Variants in LNX1 observed in about 807,000 individuals in gnomAD.
The protein encoded by LNX1 is ligand of numb-protein X 1, also known as E3 ubiquitin-protein ligase LNX.
A neutral mutation model predicts 68.4 loss-of-function variants in LNX1; 54 were observed. The observed-to-expected ratio is 0.79, with a 90% CI of 0.63 to 0.99. The LOEUF is 0.99. Among genes scored for constraint, LNX1 ranks in the 50% least tolerant of loss-of-function variants. The pLI is 0.00. For synonymous variants in LNX1, 336 were observed against 350.0 expected (o/e 0.96, Z 0.45); for missense variants, 906 against 926.4 (o/e 0.98, Z 0.29).
intron 6 of LNX1, among the ~76,000 whole-genome samples, chr4:53,495,771 T>C (rs1725007588): frequency 6.6e-6 from 1 of 152,182 alleles, no homozygotes; most frequent in South Asian, 2.1e-4. Context: ...CTTGAACTCC[T>C]GACCTCATGT....
chr4:53,585,394 T>C (rs1254161640), intron 1 of LNX1, among the ~76,000 whole-genome samples: 4 of 152,134 alleles, frequency 2.6e-5, no homozygotes, highest in African/African-American at 7.2e-5. Flanking sequence ...CCATAAGTAG[T>C]TGGAAGAGCT....
chr4:53,478,812 C>G (rs567800014), intron 7 of LNX1, 70 bp from the exon 8 acceptor site: 4 of 1,464,196 alleles, frequency 2.7e-6, no homozygotes, highest in East Asian at 4.6e-5. Context: ...GTAGAAAATG[C>G]AAAGTGGGTT....
chr4:53,462,906 T>TA (rs984392166), intron 9 of LNX1, among the ~76,000 whole-genome samples: 3 of 152,160 alleles, frequency 2.0e-5, no homozygotes, highest in Non-Finnish European at 2.9e-5. Context: ...GTGTGTCACA[T>TA]AACACACTTT....
rs1335264758 is a variant in LNX1, at chr4:53,558,347, G to A, written c.380+15276C>T. On this transcript the variant is annotated intron_variant, in intron 2 of 10. Transcript: ENST00000263925. ...ACAGGCTGGGAGTTAAAATGTGTTG[G>A]AAGAGGACATGAGCATGACACATTC... 8.6e-6 allele frequency: 8 copies of A among 934,946 alleles called. No homozygotes were observed. In the African/African-American group the frequency reaches 1.4e-4, roughly 16 times the overall value. 57.9% of individuals were successfully genotyped at this position (934,946 alleles called of 1,614,324 possible).
At chr4:53,526,956 G>A (rs112887245) in intron 2 of LNX1, among the ~76,000 whole-genome samples, 2 of 146,354 alleles carry the variant, frequency 1.4e-5, no homozygotes, top group African/African-American at 5.0e-5. Flanking sequence ...TTATGCTAAA[G>A]CAATAGAAAT....
At position 53,460,074 on chromosome 4, in the gene LNX1, A is replaced by C. The variant is rs1426161028; in HGVS notation, c.*833T>G. 5.0e-6 allele frequency: 1 copy of C among 199,020 alleles called. No homozygotes were observed. Among genetic ancestry groups the C allele is most frequent in the African/African-American group, 2.3e-5 (1 of 43,416 alleles). The allele number at this position is 199,020 out of a possible 1,614,324, so 12.3% of individuals were successfully genotyped here. A position where few individuals can be genotyped will look rare whatever the true frequency, so the allele number is the denominator to read the frequency against. ...TGAAATAAATTAATTAATTACCCAT[A>C]GTGTAGTTTCTAGGAGGCATGTGTA... On this transcript the variant is annotated 3_prime_UTR_variant, in exon 11 of 11. Coordinates refer to ENST00000263925, the MANE Select transcript of LNX1 (RefSeq NM_001126328.3).
At chr4:53,648,186 T>A (rs2668549) in intron 1 of LNX1, among the ~76,000 whole-genome samples, 41,555 of 152,196 alleles carry the variant, frequency 0.27, 6,055 homozygotes, top group African/African-American at 0.32. Flanking sequence ...CATACCATGT[T>A]ACACAATAGC....
intron 2 of LNX1, among the ~76,000 whole-genome samples, chr4:53,527,488 C>T (rs1310316193): frequency 6.6e-6 from 1 of 152,218 alleles, no homozygotes. Context: ...GGTGCTGACT[C>T]TGTTATTAAC....
At position 53,565,554 on chromosome 4, in the gene LNX1, A is replaced by G. The variant is rs1730611811; in HGVS notation, c.380+8069T>C. On this transcript the variant is annotated intron_variant, in intron 2 of 10. Transcript: ENST00000263925. The stretch of plus-strand genomic sequence containing the variant: ...AAAACCACAAAGATGGGGAAAAAAC[A>G]GAACAGAAAAACTGGAAACTCTAAA... Among the ~76,000 whole-genome samples, 3 of 152,008 alleles carry G rather than the reference A, an allele frequency of 2.0e-5. No homozygotes were observed. In the South Asian group the frequency reaches 6.3e-4, roughly 32 times the overall value.
intron 1 of LNX1, among the ~76,000 whole-genome samples, chr4:53,647,136 C>T (rs1325803185): frequency 6.6e-6 from 1 of 152,238 alleles, no homozygotes; most frequent in Admixed American, 6.5e-5. Context: ...CATGCAGCCT[C>T]ACACTGGGTC....
At chr4:53,605,593 A>AC (rs1423323940) in intron 2 of LNX1, among the ~76,000 whole-genome samples, 3 of 151,264 alleles carry the variant, frequency 2.0e-5, no homozygotes, top group African/African-American at 7.3e-5. Flanking sequence ...CTGTCCTCTC[A>AC]CCCCCACACC....
chr4:53,475,751 C>T (rs1451722882), intron 9 of LNX1, among the ~76,000 whole-genome samples: 1 of 152,134 alleles, frequency 6.6e-6, no homozygotes, highest in East Asian at 1.9e-4. Flanking sequence ...CTGTACTGGC[C>T]ATTTTGTAGG....
At chr4:53,626,221 A>C (rs973990407) in intron 1 of LNX1, among the ~76,000 whole-genome samples, 1 of 152,194 alleles carries the variant, frequency 6.6e-6, no homozygotes, top group Non-Finnish European at 1.5e-5. Flanking sequence ...GTTCGTTTTC[A>C]AGGACTGAGC....
chr4:53,582,574 A>T (rs1731902796), intron 1 of LNX1, among the ~76,000 whole-genome samples: 2 of 152,222 alleles, frequency 1.3e-5, no homozygotes. Flanking sequence ...CACATTTAAA[A>T]GTTATTCAAA....
chr4:53,566,060 T>C (rs907713370), intron 2 of LNX1, among the ~76,000 whole-genome samples: 3 of 150,850 alleles, frequency 2.0e-5, no homozygotes, highest in Non-Finnish European at 4.5e-5. Context: ...TGGAACCAAG[T>C]TGGAAAACAC....
chr4:53,636,179 CTTTTTTTTTTT>C (rs11440722), intron 1 of LNX1, among the ~76,000 whole-genome samples: 2 of 85,248 alleles, frequency 2.3e-5, no homozygotes, highest in Admixed American at 3.4e-4. Context: ...TCTATTACTC[CTTTTTTTTTTT>C]TTTTTTTTTT....
chr4:53,469,736 T>C (rs1723009305), intron 9 of LNX1, among the ~76,000 whole-genome samples: 1 of 151,934 alleles, frequency 6.6e-6, no homozygotes, highest in African/African-American at 2.4e-5. Context: ...AACTAGAAAA[T>C]CTAGAAGAAA....
At chr4:53,574,266 C>T (rs1442690852) in intron 1 of LNX1, among the ~76,000 whole-genome samples, 178 bp from the exon 2 acceptor site, 5 of 152,216 alleles carry the variant, frequency 3.3e-5, no homozygotes, top group South Asian at 2.1e-4. Flanking sequence ...ATGGCCTCCT[C>T]GTGCCTCTGT....
In LNX1 at chr4:53,481,732, G is replaced by T. The variant is rs767342252; in HGVS notation, c.1473C>A (p.Ser491Arg). 3.1e-6 allele frequency: 5 copies of T among 1,613,686 alleles called. No individual in the cohort carries two copies. Among genetic ancestry groups the T allele is most frequent in the Non-Finnish European group, 3.4e-6 (4 of 1,179,772 alleles). ...CTAGAGGCCTCACCTTGGGAGTGTT[G>T]CTCCTCTCCCCTGGCCCTGGGGACC... is the stretch of plus-strand genomic sequence containing the variant. ...GSWSPGPGER[S>R]NTPKPLHPTI... The change falls in exon 7 of 11, where the codon AGC becomes AGA. Residue 491 changes from serine (S) to arginine (R), a missense_variant. By Grantham distance (110) the Ser-to-Arg change is moderately radical. Transcript: ENST00000263925.
Sources: gnomAD v4.1 joint callset for allele counts (sites outside exome capture counted in the v4.1 genomes callset) on GRCh38, gnomAD v4.1.1 for gene constraint, MANE v1.5 for transcripts, NCBI Gene and HGNC (gene_info 2026-07-23, HGNC 2026-07-21) for gene names.